GABRB1: variants seen among roughly 807,000 people sequenced by gnomAD.
GABRB1 encodes gamma-aminobutyric acid receptor subunit beta-1.
In GABRB1, 17 loss-of-function variants were observed where a neutral mutation model predicts 51.6. The observed-to-expected ratio is 0.33, with a 90% confidence interval of 0.23 to 0.49. The LOEUF is 0.49. Among genes scored for constraint, GABRB1 ranks in the 20% least tolerant of loss-of-function variants. The pLI is 0.99. For missense variants in GABRB1, 410 were observed against 600.6 expected (o/e 0.68, Z 3.32); for synonymous variants, 247 against 218.9 (o/e 1.13, Z -1.14).
intron 3 of GABRB1, among the ~76,000 whole-genome samples, chr4:47,044,500 TCA>T (rs941609560): frequency 6.6e-6 from 1 of 152,086 alleles, no homozygotes; most frequent in African/African-American, 2.4e-5. Flanking sequence ...TCTTTGATTC[TCA>T]GTTTCATGTA....
intron 3 of GABRB1, among the ~76,000 whole-genome samples, chr4:47,088,759 T>G (rs999982994): frequency 6.6e-6 from 1 of 152,216 alleles, no homozygotes; most frequent in African/African-American, 2.4e-5. Flanking sequence ...CCAAAGACCA[T>G]GCTGTGTCCA....
chr4:47,019,331 C>T (rs73145047), intron 1 of GABRB1, among the ~76,000 whole-genome samples: 5,197 of 152,194 alleles, frequency 0.034, 279 homozygotes, highest in African/African-American at 0.12. Flanking sequence ...CTACCCTAAC[C>T]TCAAAAGTTT....
At chr4:46,996,243 A>G (rs1401863061) in intron 1 of GABRB1, among the ~76,000 whole-genome samples, 1 of 152,144 alleles carries the variant, frequency 6.6e-6, no homozygotes, top group East Asian at 1.9e-4. Flanking sequence ...AGGTGTTAAA[A>G]TCATACCTAT....
Position 47,426,112 on chromosome 4 carries a change from T to G in GABRB1, c.*94T>G. On this transcript the variant is annotated 3_prime_UTR_variant, in exon 9 of 9. Transcript: ENST00000295454. ...ACAGCGATACTGCTGTTTCTCGAGG[T>G]AAGAGATTCAGCCATCCAATTGGTT... 9.8e-7 allele frequency: 1 copy of G among 1,023,358 alleles called. No individual in the cohort carries two copies. Among genetic ancestry groups the G allele is most frequent in the Middle Eastern group, 2.2e-4 (1 of 4,642 alleles). The allele number at this position is 1,023,358 out of a possible 1,614,324, so 63.4% of individuals were successfully genotyped here.
At chr4:47,167,739 C>G (rs192219804) in intron 4 of GABRB1, among the ~76,000 whole-genome samples, 2 of 152,080 alleles carry the variant, frequency 1.3e-5, no homozygotes, top group African/African-American at 4.8e-5. Context: ...GGTGTGCCCC[C>G]TCTAGCATAT....
At chr4:47,319,702 A>G (rs749238240) in intron 4 of GABRB1, among the ~76,000 whole-genome samples, 12 of 152,138 alleles carry the variant, frequency 7.9e-5, no homozygotes, top group East Asian at 7.7e-4. Context: ...GGCCTCATGA[A>G]ATGAATTTGG....
At chr4:47,282,811 A>G (rs113428917) in intron 4 of GABRB1, among the ~76,000 whole-genome samples, 2 of 152,220 alleles carry the variant, frequency 1.3e-5, no homozygotes, top group African/African-American at 2.4e-5. Context: ...TGTTGGAACT[A>G]GTAAGGTGTT....
intron 3 of GABRB1, among the ~76,000 whole-genome samples, chr4:47,113,186 G>C (rs1715308784): frequency 6.6e-6 from 1 of 152,080 alleles, no homozygotes; most frequent in Non-Finnish European, 1.5e-5. Context: ...GAGAGTTCGA[G>C]ATCAGCCTGG....
intron 5 of GABRB1, among the ~76,000 whole-genome samples, chr4:47,374,681 G>A (rs1000359361): frequency 2.6e-5 from 4 of 152,144 alleles, no homozygotes; most frequent in African/African-American, 9.7e-5. Flanking sequence ...CACTGACTAA[G>A]AGTAATAAAA....
chr4:47,326,911 T>C (rs781720578), intron 5 of GABRB1, among the ~76,000 whole-genome samples: 4 of 152,212 alleles, frequency 2.6e-5, no homozygotes, highest in Admixed American at 6.5e-5. Flanking sequence ...CTTTCCCCCA[T>C]AGATTATAAA....
chr4:47,112,658 A>G (rs1469153749), intron 3 of GABRB1, among the ~76,000 whole-genome samples: 1 of 152,204 alleles, frequency 6.6e-6, no homozygotes, highest in African/African-American at 2.4e-5. Flanking sequence ...TGAGTTATGT[A>G]CCCAATATCC....
chr4:47,107,651 G>A (rs964457717), intron 3 of GABRB1, among the ~76,000 whole-genome samples: 3 of 151,972 alleles, frequency 2.0e-5, no homozygotes, highest in African/African-American at 7.2e-5. Flanking sequence ...AAAGTTAGTT[G>A]ACATATATGA....
At chr4:47,266,326 C>T (rs562654539) in intron 4 of GABRB1, among the ~76,000 whole-genome samples, 1 of 152,136 alleles carries the variant, frequency 6.6e-6, no homozygotes, top group East Asian at 1.9e-4. Context: ...GTTACTGTTG[C>T]CTAGTAATAT....
intron 5 of GABRB1, among the ~76,000 whole-genome samples, chr4:47,371,090 C>CG (rs1553879511): frequency 7.3e-6 from 1 of 136,348 alleles, no homozygotes; most frequent in African/African-American, 2.7e-5. Context: ...CTCCCTCCCC[C>CG]ACCCCCACCC....
intron 4 of GABRB1, among the ~76,000 whole-genome samples, chr4:47,169,196 T>C (rs1258818632): frequency 2.0e-5 from 3 of 152,176 alleles, no homozygotes; most frequent in African/African-American, 7.2e-5. Context: ...ATGGAGATAT[T>C]CTATCATCTC....
At chr4:47,293,402 G>T (rs1182588119) in intron 4 of GABRB1, among the ~76,000 whole-genome samples, 1 of 152,108 alleles carries the variant, frequency 6.6e-6, no homozygotes, top group Non-Finnish European at 1.5e-5. Flanking sequence ...GCCTCCCAAA[G>T]TGCTGGGATT....
chr4:47,351,098 A>G (rs6826708), intron 5 of GABRB1, among the ~76,000 whole-genome samples: 15,146 of 152,244 alleles, frequency 0.099, 938 homozygotes, highest in African/African-American at 0.17. Flanking sequence ...CTCTGCAGCC[A>G]TTTATTCAAT....
At chr4:47,032,072 T>TAAAAA in intron 2 of GABRB1, 67 bp downstream of exon 2, 1 of 713,212 alleles carries the variant, frequency 1.4e-6, no homozygotes, top group African/African-American at 3.4e-5. Flanking sequence ...AAGATAAATG[T>TAAAAA]CAAAAAAAAA....
At chr4:47,054,668 AC>A (rs1319394434) in intron 3 of GABRB1, among the ~76,000 whole-genome samples, 2 of 150,764 alleles carry the variant, frequency 1.3e-5, no homozygotes, top group African/African-American at 2.4e-5. Context: ...TGCAATCTCC[AC>A]CTCCCCACAT....
Sources: gnomAD v4.1 joint callset for allele counts (sites outside exome capture counted in the v4.1 genomes callset) on GRCh38, gnomAD v4.1.1 for gene constraint, MANE v1.5 for transcripts, NCBI Gene and HGNC (gene_info 2026-07-23, HGNC 2026-07-21) for gene names.